The following TMCO5A variants were observed in gnomAD, a reference collection of about 807,000 sequenced individuals.
TMCO5A encodes transmembrane and coiled-coil domains 5A.
In TMCO5A, 34 loss-of-function variants were observed where a neutral mutation model predicts 42.3. That is an observed-to-expected ratio of 0.80 (90% CI 0.61 to 1.07). TMCO5A has a LOEUF of 1.07. Among genes scored for constraint, TMCO5A ranks in the 50% least tolerant of loss-of-function variants. The pLI is 0.00. For missense variants in TMCO5A, 357 were observed against 327.9 expected (o/e 1.09, Z -0.69); for synonymous variants, 131 against 115.6 (o/e 1.13, Z -0.86).
intron 2 of TMCO5A, 92 bp from the exon 3 acceptor site, chr15:37,936,215 GGTTAATA>G: frequency 4.4e-6 from 6 of 1,367,336 alleles, no homozygotes; most frequent in Non-Finnish European, 5.9e-6. Flanking sequence ...GAGAGAGTAA[GGTTAATA>G]AACTAGATGT....
At chr15:37,981,844 A>G in the TMCO5A span, among the ~76,000 whole-genome samples, 1 of 152,190 alleles carries the variant, frequency 6.6e-6, no homozygotes, top group Non-Finnish European at 1.5e-5. Context: ...TATTTACAGA[A>G]GAGACTGGCT....
At chr15:37,993,291 T>A in the TMCO5A span, 1 of 152,132 alleles carries the variant, frequency 6.6e-6, no homozygotes, top group African/African-American at 2.4e-5. Context: ...TGATGTTTCT[T>A]GTTGAAAATT....
chr15:37,978,651 C>T, the TMCO5A span, among the ~76,000 whole-genome samples: 8 of 152,120 alleles, frequency 5.3e-5, no homozygotes, highest in Non-Finnish European at 1.2e-4. Flanking sequence ...GATTTCCTTT[C>T]CAGGGAAATG....
the TMCO5A span, among the ~76,000 whole-genome samples, chr15:38,035,124 G>T: frequency 5.3e-5 from 8 of 152,206 alleles, no homozygotes; most frequent in East Asian, 1.5e-3. Flanking sequence ...GAAAAGGAAA[G>T]GAGGATGGGT....
intron 11 of TMCO5A, among the ~76,000 whole-genome samples, chr15:37,957,956 C>A (rs1890332467): frequency 6.6e-6 from 1 of 152,102 alleles, no homozygotes. Flanking sequence ...AACAATTGAT[C>A]TTTGACAAAC....
At chr15:37,988,524 A>G in the TMCO5A span, among the ~76,000 whole-genome samples, 2 of 151,798 alleles carry the variant, frequency 1.3e-5, no homozygotes, top group Non-Finnish European at 2.9e-5. Flanking sequence ...TAGTTTTCTT[A>G]TCTTCCTAGT....
the TMCO5A span, among the ~76,000 whole-genome samples, chr15:38,011,550 C>G: frequency 6.6e-6 from 1 of 152,210 alleles, no homozygotes; most frequent in Non-Finnish European, 1.5e-5. Flanking sequence ...GTTACCTGCA[C>G]CAAGTCTTTT....
chr15:38,030,147 A>C, the TMCO5A span, among the ~76,000 whole-genome samples: 1 of 152,080 alleles, frequency 6.6e-6, no homozygotes, highest in Non-Finnish European at 1.5e-5. Context: ...CTTTCAGGAG[A>C]CTAAAAGCAA....
chr15:38,026,607 T>C, the TMCO5A span, among the ~76,000 whole-genome samples: 1 of 152,206 alleles, frequency 6.6e-6, no homozygotes, highest in South Asian at 2.1e-4. Context: ...CTTCATAAAT[T>C]TGCATAAGCA....
At chr15:37,962,938 T>C (rs1321388693) in intron 11 of TMCO5A, among the ~76,000 whole-genome samples, 4 of 152,192 alleles carry the variant, frequency 2.6e-5, no homozygotes, top group African/African-American at 7.2e-5. Context: ...TCTTGTTTTC[T>C]TTATTTATAT....
the TMCO5A span, among the ~76,000 whole-genome samples, chr15:37,981,645 C>G: frequency 6.6e-6 from 1 of 152,170 alleles, no homozygotes; most frequent in Non-Finnish European, 1.5e-5. Context: ...TGGCAGGACC[C>G]TGTCTCTGAA....
At chr15:37,948,250 G>A (rs529913962) in intron 11 of TMCO5A, among the ~76,000 whole-genome samples, 1 of 152,154 alleles carries the variant, frequency 6.6e-6, no homozygotes, top group African/African-American at 2.4e-5. Flanking sequence ...CACTGTGATA[G>A]CAAAGTAAAA....
chr15:37,946,562 TG>T (rs1409365611), intron 10 of TMCO5A, among the ~76,000 whole-genome samples: 1 of 152,168 alleles, frequency 6.6e-6, no homozygotes, highest in Admixed American at 6.5e-5. Flanking sequence ...TAGTTCTCCT[TG>T]AAGGAGTCTT....
chr15:38,031,026 T>C, the TMCO5A span, among the ~76,000 whole-genome samples: 1 of 152,138 alleles, frequency 6.6e-6, no homozygotes, highest in African/African-American at 2.4e-5. Flanking sequence ...CACCTCTGCA[T>C]CCTCACATCC....
At chr15:37,953,192 T>A (rs1376187658), downstream of TMCO5A, among the ~76,000 whole-genome samples, 1 of 152,132 alleles carries the variant, frequency 6.6e-6, no homozygotes, top group Non-Finnish European at 1.5e-5. Context: ...CTGCTGATTG[T>A]AGAGCCCCCA....
At chr15:38,016,770 T>C in the TMCO5A span, among the ~76,000 whole-genome samples, 1 of 152,200 alleles carries the variant, frequency 6.6e-6, no homozygotes, top group Admixed American at 6.5e-5. Flanking sequence ...CTGACCACTG[T>C]GTCCTCTGCC....
At chr15:37,998,809 T>G in the TMCO5A span, among the ~76,000 whole-genome samples, 1 of 152,248 alleles carries the variant, frequency 6.6e-6, no homozygotes, top group Non-Finnish European at 1.5e-5. Flanking sequence ...TTGAACAATA[T>G]TGATTCTTCC....
At chr15:37,968,832 C>T (rs569328130), downstream of TMCO5A, among the ~76,000 whole-genome samples, 12 of 152,264 alleles carry the variant, frequency 7.9e-5, no homozygotes, top group African/African-American at 2.2e-4. Flanking sequence ...CTGCCCACCT[C>T]AGCCTCCCAA....
At chr15:37,953,675 C>T (rs1890216002), downstream of TMCO5A, among the ~76,000 whole-genome samples, 1 of 151,968 alleles carries the variant, frequency 6.6e-6, no homozygotes, top group Non-Finnish European at 1.5e-5. Context: ...CATCTACAGG[C>T]ATCAAAAACA....
Sources: allele counts gnomAD v4.1 joint callset (sites outside exome capture counted in the v4.1 genomes callset), GRCh38; gene constraint gnomAD v4.1.1; transcripts MANE v1.5; gene names NCBI Gene and HGNC (gene_info 2026-07-23, HGNC 2026-07-21).